SPIDR: variants seen among roughly 807,000 people sequenced by gnomAD.
SPIDR encodes DNA repair-scaffolding protein.
SPIDR carries 93 observed loss-of-function variants against 104.6 expected under a neutral mutation model. That is an observed-to-expected ratio of 0.89 (90% CI 0.75 to 1.06). The LOEUF (loss-of-function observed/expected upper bound fraction) is 1.06, where lower values mean the gene tolerates loss of function less well. Among genes scored for constraint, SPIDR ranks in the 50% least tolerant of loss-of-function variants. The pLI, the probability that SPIDR is intolerant of heterozygous loss-of-function variation, is 0.00. For synonymous variants in SPIDR, 431 were observed against 416.9 expected, an observed-to-expected ratio of 1.03 and a Z score of -0.41; for missense variants, 1,154 against 1,111.2, an observed-to-expected ratio of 1.04 and a Z score of -0.55.
intron 8 of SPIDR, among the ~76,000 whole-genome samples, chr8:47,553,514 C>G (rs950103045): frequency 3.3e-5 from 5 of 152,068 alleles, no homozygotes; most frequent in Non-Finnish European, 2.9e-5. Context: ...TCACTGATAC[C>G]CTTTCTTCCA....
intron 8 of SPIDR, among the ~76,000 whole-genome samples, chr8:47,480,055 G>T (rs1320632561): frequency 6.6e-6 from 1 of 152,158 alleles, no homozygotes; most frequent in Non-Finnish European, 1.5e-5. Context: ...ATATCTTGGA[G>T]AACTTCTTCA....
Position 47,712,643 on chromosome 8 carries a change from T to C in SPIDR, c.1978-19T>C. 1.2e-6 allele frequency: 2 copies of C among 1,607,762 alleles called. No individual in the cohort carries two copies. The highest frequency in any genetic ancestry group is 2.7e-5 in the African/African-American group (2 of 74,762). ...TTTTTGGTATAATAATTAATCTTTA[T>C]TGTGTCTTCAAATTGTAGCTGAAGA... On this transcript the variant is annotated intron_variant, in intron 14 of 19. Transcript: ENST00000297423.
chr8:47,671,984 G>T (rs1000681584), intron 10 of SPIDR, among the ~76,000 whole-genome samples: 3 of 152,066 alleles, frequency 2.0e-5, no homozygotes, highest in Non-Finnish European at 4.4e-5. Context: ...TTGAGACAGG[G>T]TCTTGCTCTG....
intron 8 of SPIDR, among the ~76,000 whole-genome samples, chr8:47,554,349 G>C (rs907772326): frequency 1.3e-5 from 2 of 152,224 alleles, no homozygotes; most frequent in Non-Finnish European, 2.9e-5. Flanking sequence ...TGCCCCCAGA[G>C]GTGGAATCTG....
At position 47,265,188 on chromosome 8, in the gene SPIDR, C is replaced by CTTTTTT. The variant is rs397892978; in HGVS notation, c.33+4213_33+4218dup. ...TACTTAGTATTGACATCTCAGTTGT[C>CTTTTTT]TTTTTTTTTTTTTTTTTTTTTGAGA... On this transcript the variant is annotated intron_variant, in intron 1 of 19. Coordinates refer to ENST00000297423, the MANE Select transcript of SPIDR (RefSeq NM_001080394.4). 1.7e-3 allele frequency among the ~76,000 whole-genome samples: 184 copies of CTTTTTT among 108,974 alleles called. 2 individuals carry two copies. Among genetic ancestry groups the CTTTTTT allele is most frequent in the African/African-American group, 6.8e-3 (178 of 26,366 alleles). The allele number at this position is 108,974 out of a possible 152,430, so 71.5% of individuals were successfully genotyped here.
At chr8:47,638,455 T>G (rs917851183) in intron 10 of SPIDR, among the ~76,000 whole-genome samples, 10 of 152,206 alleles carry the variant, frequency 6.6e-5, no homozygotes, top group African/African-American at 2.2e-4. Context: ...AAATGCATTT[T>G]ATTGCATAGA....
chr8:47,440,418 G>A lies in SPIDR; in HGVS notation c.973G>A (p.Ala325Thr), dbSNP rs1554695863. 6.2e-7 allele frequency: 1 copy of A among 1,614,226 alleles called. No individual in the cohort carries two copies. Among genetic ancestry groups the A allele is most frequent in the African/African-American group, 1.3e-5 (1 of 75,076 alleles). ...GTGTGAGCAGTTATTGGGGTCACCA[G>A]CCACCAGCTCCTCCCAAAGTGTGGC... is the stretch of plus-strand genomic sequence containing the variant. Reference protein sequence around the residue: ...AMCEQLLGSPATSSSQSVAPR... With the variant: ...AMCEQLLGSPTTSSSQSVAPR... The change falls in exon 8 of 20, where the codon GCC becomes ACC. Residue 325 changes from alanine to threonine, a missense_variant. Ala to Thr is a moderately conservative substitution (Grantham distance 58). Coordinates refer to ENST00000297423, the MANE Select transcript of SPIDR (RefSeq NM_001080394.4).
intron 8 of SPIDR, among the ~76,000 whole-genome samples, chr8:47,493,467 C>T (rs1409851901): frequency 6.6e-6 from 1 of 151,776 alleles, no homozygotes; most frequent in African/African-American, 2.4e-5. Flanking sequence ...AAGTATTGTG[C>T]TTTGTTTTTT....
intron 8 of SPIDR, among the ~76,000 whole-genome samples, chr8:47,460,384 G>A (rs1218174945): frequency 1.3e-5 from 2 of 151,970 alleles, no homozygotes; most frequent in Admixed American, 1.3e-4. Flanking sequence ...TTTATATTAG[G>A]TTGGTGCAAA....
At chr8:47,671,619 A>C (rs977264181) in intron 10 of SPIDR, among the ~76,000 whole-genome samples, 1 of 149,158 alleles carries the variant, frequency 6.7e-6, no homozygotes, top group Non-Finnish European at 1.5e-5. Flanking sequence ...TAAATAAATA[A>C]ATACAAATAA....
At chr8:47,397,764 G>A (rs1279568516) in intron 6 of SPIDR, among the ~76,000 whole-genome samples, 1 of 152,136 alleles carries the variant, frequency 6.6e-6, no homozygotes, top group African/African-American at 2.4e-5. Context: ...GTGGGAACTG[G>A]GACCCAGGCA....
chr8:47,691,952 T>G (rs1438937324), intron 11 of SPIDR, among the ~76,000 whole-genome samples: 1 of 152,238 alleles, frequency 6.6e-6, no homozygotes, highest in East Asian at 1.9e-4. Flanking sequence ...GCACTACTCT[T>G]TTATTGCAGA....
chr8:47,405,271 T>C (rs1278671030), intron 6 of SPIDR, among the ~76,000 whole-genome samples: 1 of 151,156 alleles, frequency 6.6e-6, no homozygotes, highest in Non-Finnish European at 1.5e-5. Context: ...AGTTAACGGG[T>C]GCAGCACACC....
At chr8:47,654,273 T>C in intron 10 of SPIDR, 1 of 866,930 alleles carries the variant, frequency 1.2e-6, no homozygotes, top group Non-Finnish European at 1.6e-6. Flanking sequence ...GCCTAATCCA[T>C]GTAGGTGGCA....
intron 10 of SPIDR, among the ~76,000 whole-genome samples, chr8:47,636,326 C>T (rs1473795420): frequency 2.0e-5 from 3 of 152,182 alleles, no homozygotes; most frequent in Admixed American, 1.3e-4. Context: ...ATCTCTTTCC[C>T]TCTTTTGTGA....
chr8:47,322,831 C>A (rs1554597268), intron 5 of SPIDR, among the ~76,000 whole-genome samples: 1 of 151,886 alleles, frequency 6.6e-6, no homozygotes, highest in South Asian at 2.1e-4. Flanking sequence ...AGCAAACTAT[C>A]AGAAGGACAA....
intron 7 of SPIDR, among the ~76,000 whole-genome samples, chr8:47,422,738 G>A (rs1323307759): frequency 6.6e-6 from 1 of 152,100 alleles, no homozygotes; most frequent in Admixed American, 6.5e-5. Context: ...TTCCTGTTGG[G>A]CCATCTTGGC....
intron 5 of SPIDR, among the ~76,000 whole-genome samples, chr8:47,386,613 C>T (rs2059934451): frequency 6.6e-6 from 1 of 152,064 alleles, no homozygotes; most frequent in Non-Finnish European, 1.5e-5. Flanking sequence ...TGTCATCCCT[C>T]ATGTGTTCCC....
At position 47,311,162 on chromosome 8, in the gene SPIDR, A is replaced by G. The variant is rs1002646323; in HGVS notation, c.525+17132A>G. ...TAAATGAAAATTCTATAGGTAAAAA[A>G]TACAATATTTCAAATGAAAACTGAT... On this transcript the variant is annotated intron_variant, in intron 5 of 19. Coordinates refer to ENST00000297423, the MANE Select transcript of SPIDR (RefSeq NM_001080394.4). 5.3e-5 allele frequency among the ~76,000 whole-genome samples: 8 copies of G among 152,234 alleles called. No homozygotes were observed. The South Asian group carries it at 6.2e-4, about 12-fold the overall frequency.
Sources: allele counts gnomAD v4.1 joint callset (sites outside exome capture counted in the v4.1 genomes callset), GRCh38; gene constraint gnomAD v4.1.1; transcripts MANE v1.5; gene names NCBI Gene and HGNC (gene_info 2026-07-23, HGNC 2026-07-21).